The following MAPK13 variants were observed in gnomAD, a reference collection of about 807,000 sequenced individuals.
MAPK13 encodes the protein mitogen-activated protein kinase 13.
A neutral mutation model predicts 53.5 loss-of-function variants in MAPK13; 39 were observed. The ratio of observed to expected loss-of-function variants is 0.73; its 90% confidence interval spans 0.56 to 0.95. MAPK13 has a LOEUF of 0.95. MAPK13 is among the 40% of genes least tolerant of loss of function. The pLI, the probability that MAPK13 is intolerant of heterozygous loss-of-function variation, is 0.00. For missense variants in MAPK13, 460 were observed against 471.8 expected (o/e 0.98, Z 0.23); for synonymous variants, 179 against 190.9 (o/e 0.94, Z 0.51).
chr6:36,133,373 G>T (rs1029045619), intron 3 of MAPK13, among the ~76,000 whole-genome samples: 1 of 152,302 alleles, frequency 6.6e-6, no homozygotes, highest in South Asian at 2.1e-4. Flanking sequence ...GGAGGCAGAG[G>T]GGGAGAGCCT....
chr6:36,139,660 G>A lies in MAPK13; in HGVS notation c.*287G>A, dbSNP rs553428097. 31 of 429,410 alleles carry A rather than the reference G, an allele frequency of 7.2e-5. No homozygotes were observed. Among genetic ancestry groups the A allele is most frequent in the Middle Eastern group, 1.3e-3 (2 of 1,514 alleles). The allele number at this position is 429,410 out of a possible 1,614,324, so 26.6% of individuals were successfully genotyped here. A position where few individuals can be genotyped will look rare whatever the true frequency, so the allele number is the denominator to read the frequency against. ...GGCTGAGTGGGCGCTGAGCCAGGCC[G>A]GGGGCCTATGGCAGTGATGCTGTGT... On this transcript the variant is annotated 3_prime_UTR_variant, in exon 12 of 12. Transcript: ENST00000211287.
Position 36,130,707 on chromosome 6 carries a change from AC to A in MAPK13, c.119+10del. 2 of 970,040 alleles carry A rather than the reference AC, an allele frequency of 2.1e-6. No individual in the cohort carries two copies. Among genetic ancestry groups the A allele is most frequent in the Non-Finnish European group, 3.0e-6 (2 of 676,850 alleles). 60.1% of individuals were successfully genotyped at this position (970,040 alleles called of 1,614,324 possible). A position where few individuals can be genotyped will look rare whatever the true frequency, so the allele number is the denominator to read the frequency against. ...GGGGCCTATGGCTCCGTGTGGTGAG[AC>A]CCCTGGGCCGCTGGGGGGCGGGGGG... On this transcript the variant is annotated splice_region_variant and intron_variant, in intron 1 of 11. Transcript: ENST00000211287. This position sits in a 1 kb window ranked among gnomAD's most constrained non-coding sequence, Gnocchi z 4.5.
intron 3 of MAPK13, among the ~76,000 whole-genome samples, chr6:36,133,922 C>T (rs1196597879): frequency 6.6e-6 from 1 of 152,054 alleles, no homozygotes; most frequent in Non-Finnish European, 1.5e-5. Flanking sequence ...AAGGTTAGAT[C>T]AGAAGAAAAG....
At position 36,136,725 on chromosome 6, in the gene MAPK13, C is replaced by A. The variant is rs148572287; in HGVS notation, c.565C>A (p.Arg189=). The A allele has an allele frequency of 6.2e-7, 1 of 1,613,980 alleles. No homozygotes were observed. The highest frequency in any genetic ancestry group is 8.5e-7 in the Non-Finnish European group (1 of 1,179,922). ...MTGYVVTRWY[R]APEVILSWMH... ...TGGCTACGTGGTGACCCGCTGGTACCGAGCCCCCGAGGTGATCCTCAGCTG... is the reference window on the plus strand; with the variant it reads ...TGGCTACGTGGTGACCCGCTGGTACAGAGCCCCCGAGGTGATCCTCAGCTG... The change falls in exon 7 of 12, where the codon CGA becomes AGA. Residue 189 remains arginine, a synonymous_variant. Transcript: ENST00000211287.
rs1210779465 is a variant in MAPK13, at chr6:36,131,324, G to A, written c.173G>A (p.Arg58Gln). 4 of 1,613,818 alleles carry A rather than the reference G, an allele frequency of 2.5e-6. No homozygotes were observed. Among genetic ancestry groups the A allele is most frequent in the Non-Finnish European group, 3.4e-6 (4 of 1,179,888 alleles). ...AAGGTGGCCATCAAGAAGCTGAGCC[G>A]ACCCTTTCAGTCCGAGATCTTCGCC... ...GEKVAIKKLS[R>Q]PFQSEIFAKR... is the part of the protein sequence containing the mutation. The change falls in exon 2 of 12, where the codon CGA becomes CAA. Residue 58 changes from arginine to glutamine, a missense_variant. Transcript: ENST00000211287.
rs561092120 is a variant in MAPK13, at chr6:36,130,701, G to A, written c.119G>A (p.Cys40Tyr). The A allele has an allele frequency of 4.5e-6, 5 of 1,106,600 alleles. No homozygotes were observed. The highest frequency in any genetic ancestry group is 6.2e-5 in the East Asian group (2 of 32,140). 68.5% of individuals were successfully genotyped at this position (1,106,600 alleles called of 1,614,324 possible). A position where few individuals can be genotyped will look rare whatever the true frequency, so the allele number is the denominator to read the frequency against. Residue 40 changes from cysteine (C) to tyrosine (Y), a missense_variant and splice_region_variant, in exon 1 of 12, where the codon TGC becomes TAC. By Grantham distance (194) the Cys-to-Tyr change is radical (BLOSUM62 -2). Transcript: ENST00000211287. This position sits in a 1 kb window ranked among gnomAD's most constrained non-coding sequence, Gnocchi z 4.5. Reference protein sequence around the residue: ...HVGSGAYGSVCSAIDKRSGEK... With the variant: ...HVGSGAYGSVYSAIDKRSGEK... ...GGCAGCGGGGCCTATGGCTCCGTGT[G>A]GTGAGACCCCTGGGCCGCTGGGGGG...
At chr6:36,136,578 C>A (rs751337414) in intron 6 of MAPK13, 47 bp downstream of exon 6, 2 of 1,596,590 alleles carry the variant, frequency 1.3e-6, no homozygotes, top group Non-Finnish European at 1.7e-6. Flanking sequence ...GGCCCTCCCC[C>A]AGGGAAGCCC....
In MAPK13 at chr6:36,136,712, G is replaced by A. The variant is rs373412169; in HGVS notation, c.552G>A (p.Val184=). ...ACGCCGAGATGACTGGCTACGTGGT[G>A]ACCCGCTGGTACCGAGCCCCCGAGG... The part of the protein sequence containing the change: ...HADAEMTGYV[V]TRWYRAPEVI... The change falls in exon 7 of 12, where the codon GTG becomes GTA. Residue 184 remains valine, a synonymous_variant. Transcript: ENST00000211287. 44 of 1,614,028 alleles carry A rather than the reference G, an allele frequency of 2.7e-5. No homozygotes were observed. In the African/African-American group the frequency reaches 4.1e-4, roughly 15 times the overall value.
Position 36,143,720 on chromosome 6 carries a change from G to C in MAPK13, c.*4347G>C, listed in dbSNP as rs920917287. 2 of 152,136 alleles carry C rather than the reference G, an allele frequency of 1.3e-5. No individual in the cohort carries two copies. The highest frequency in any genetic ancestry group is 2.4e-5 in the African/African-American group (1 of 41,404). 9.4% of individuals were successfully genotyped at this position (152,136 alleles called of 1,614,324 possible). A position where few individuals can be genotyped will look rare whatever the true frequency, so the allele number is the denominator to read the frequency against. On this transcript the variant is annotated 3_prime_UTR_variant, in exon 12 of 12. Transcript: ENST00000211287. The stretch of plus-strand genomic sequence containing the variant: ...TAAATCCTCCTGAGCTTTTAGGTAA[G>C]AGGCCGATGATTTCACAATCGGCAG...
chr6:36,136,622 C>G, intron 6 of MAPK13, 34 bp from the exon 7 acceptor site: 1 of 1,611,536 alleles, frequency 6.2e-7, no homozygotes, highest in South Asian at 1.1e-5. Context: ...CTCCCCTCAG[C>G]AAGTTCCTTT....
chr6:36,138,017 C>T lies in MAPK13; in HGVS notation c.683-348C>T, dbSNP rs116025359. Reference sequence around the variant, plus strand: ...AAAATGATGAAAAATTCTACCACTACGTGGAAAATACATTTTGGCACGGCA... The same window carrying T: ...AAAATGATGAAAAATTCTACCACTATGTGGAAAATACATTTTGGCACGGCA... On this transcript the variant is annotated intron_variant, in intron 8 of 11. Transcript: ENST00000211287. Among the ~76,000 whole-genome samples the T allele has an allele frequency of 3.4e-3, 509 of 150,492 alleles. 3 individuals carry two copies. The highest frequency in any genetic ancestry group is 0.011 in the African/African-American group (467 of 40,846).
rs972285158 is a variant in MAPK13 at position 36,144,195 on chromosome 6, T to A, written c.*4822T>A. 8 of 152,138 alleles carry A rather than the reference T, an allele frequency of 5.3e-5. No individual in the cohort carries two copies. Among genetic ancestry groups the A allele is most frequent in the African/African-American group, 1.7e-4 (7 of 41,420 alleles). The allele number at this position is 152,138 out of a possible 1,614,324, so 9.4% of individuals were successfully genotyped here. On this transcript the variant is annotated 3_prime_UTR_variant, in exon 12 of 12. Transcript: ENST00000211287. The stretch of plus-strand genomic sequence containing the variant: ...TTTCAGAATAATATTTTCATACACA[T>A]AAAATATGTAGGATTACAAAGTAAG...
At position 36,138,438 on chromosome 6, in the gene MAPK13, C is replaced by G. The variant is rs371922245; in HGVS notation, c.756C>G (p.Asp252Glu). ...PGTEFVQKLN[D>E]KAAKSYIQSL... ...CGGAGTTTGTGCAGAAGCTGAACGA[C>G]AAAGCGGTGGGTGGTAAATGGGACC... is the stretch of plus-strand genomic sequence containing the variant. Residue 252 changes from aspartate to glutamate, a missense_variant, in exon 9 of 12, where the codon GAC becomes GAG. Asp to Glu is a conservative substitution (Grantham distance 45). Coordinates refer to ENST00000211287, the MANE Select transcript of MAPK13 (RefSeq NM_002754.5). The G allele has an allele frequency of 1.9e-6, 3 of 1,613,818 alleles. No individual in the cohort carries two copies. In the African/African-American group the frequency reaches 4.0e-5, roughly 22 times the overall value.
rs776923177 is a variant in MAPK13 at position 36,130,696 on chromosome 6, C to G, written c.114C>G (p.Ser38=). The G allele has an allele frequency of 1.4e-6, 2 of 1,451,410 alleles. No homozygotes were observed. Among genetic ancestry groups the G allele is most frequent in the Non-Finnish European group, 1.9e-6 (2 of 1,069,786 alleles). The allele number at this position is 1,451,410 out of a possible 1,614,324, so 89.9% of individuals were successfully genotyped here. A position where few individuals can be genotyped will look rare whatever the true frequency, so the allele number is the denominator to read the frequency against. ...ACGTCGGCAGCGGGGCCTATGGCTC[C>G]GTGTGGTGAGACCCCTGGGCCGCTG... ...PTHVGSGAYG[S]VCSAIDKRSG... is the part of the protein sequence containing the mutation. Residue 38 remains serine (S), a synonymous_variant, in exon 1 of 12, where the codon TCC becomes TCG. Coordinates refer to ENST00000211287, the MANE Select transcript of MAPK13 (RefSeq NM_002754.5). The surrounding 1 kb of genome is among the most constrained non-coding windows in gnomAD (Gnocchi z 4.5).
chr6:36,130,758 G>T lies in MAPK13; in HGVS notation c.119+57G>T. On this transcript the variant is annotated intron_variant, in intron 1 of 11. Coordinates refer to ENST00000211287, the MANE Select transcript of MAPK13 (RefSeq NM_002754.5). This position sits in a 1 kb window ranked among gnomAD's most constrained non-coding sequence, Gnocchi z 4.5. ...GCGGGCGCCAGGCTCTCCCCTTTCC[G>T]CCCAGCCCGCCCTGGGCTGGCCCCT... 2 of 943,224 alleles carry T rather than the reference G, an allele frequency of 2.1e-6. No homozygotes were observed. Among genetic ancestry groups the T allele is most frequent in the South Asian group, 1.6e-5 (1 of 62,974 alleles). 58.4% of individuals were successfully genotyped at this position (943,224 alleles called of 1,614,324 possible).
chr6:36,141,595 C>G lies in MAPK13; in HGVS notation c.*2222C>G, dbSNP rs1174732965. 3 of 152,298 alleles carry G rather than the reference C, an allele frequency of 2.0e-5. No homozygotes were observed. Among genetic ancestry groups the G allele is most frequent in the Non-Finnish European group, 2.9e-5 (2 of 68,140 alleles). 9.4% of individuals were successfully genotyped at this position (152,298 alleles called of 1,614,324 possible). A position where few individuals can be genotyped will look rare whatever the true frequency, so the allele number is the denominator to read the frequency against. On this transcript the variant is annotated 3_prime_UTR_variant, in exon 12 of 12. Coordinates refer to ENST00000211287, the MANE Select transcript of MAPK13 (RefSeq NM_002754.5). Reference sequence around the variant, plus strand: ...GAGGCTGAGGCAGAATTGCTTGAACCTGGGAGGTGGAGGTTGCAGTGAGCT... The same window carrying G: ...GAGGCTGAGGCAGAATTGCTTGAACGTGGGAGGTGGAGGTTGCAGTGAGCT...
rs756405087 is a variant in MAPK13 at position 36,130,549 on chromosome 6, G to C, written c.-34G>C. On this transcript the variant is annotated 5_prime_UTR_variant, in exon 1 of 12. Transcript: ENST00000211287. This position sits in a 1 kb window ranked among gnomAD's most constrained non-coding sequence, Gnocchi z 4.5. The stretch of plus-strand genomic sequence containing the variant: ...AGCCCGTTGGGCCGCGAACGCAGCC[G>C]CCACGCTGGGGCCGCCGAGATCGGG... The C allele has an allele frequency of 8.3e-7, 1 of 1,208,472 alleles. No individual in the cohort carries two copies. Among genetic ancestry groups the C allele is most frequent in the East Asian group, 3.2e-5 (1 of 30,888 alleles). 74.9% of individuals were successfully genotyped at this position (1,208,472 alleles called of 1,614,324 possible). A position where few individuals can be genotyped will look rare whatever the true frequency, so the allele number is the denominator to read the frequency against.
chr6:36,135,596 C>T lies in MAPK13; in HGVS notation c.309-157C>T, dbSNP rs145437890. ...AGACTGGGAGCCAGGAGCCCAGAGG[C>T]CCGTGTGGTGATCTGGCTGGCTGAG... On this transcript the variant is annotated intron_variant, in intron 3 of 11. Transcript: ENST00000211287. Among the ~76,000 whole-genome samples, 47 of 152,324 alleles carry T rather than the reference C, an allele frequency of 3.1e-4. 1 individual carries two copies. The East Asian group carries it at 8.7e-3, about 28-fold the overall frequency.
chr6:36,139,106 C>T (rs752652762), intron 11 of MAPK13, 51 bp downstream of exon 11: 5 of 1,527,732 alleles, frequency 3.3e-6, no homozygotes, highest in Non-Finnish European at 4.4e-6. Flanking sequence ...GCCTCTCTTC[C>T]TTGCTTCCTC....
Sources: allele counts gnomAD v4.1 joint callset (sites outside exome capture counted in the v4.1 genomes callset), GRCh38; gene constraint gnomAD v4.1.1; non-coding constraint Gnocchi (gnomAD v3.1); transcripts MANE v1.5; gene names NCBI Gene and HGNC (gene_info 2026-07-23, HGNC 2026-07-21).